PLEKHG1: variants seen among roughly 807,000 people sequenced by gnomAD.
PLEKHG1 encodes the protein pleckstrin homology and RhoGEF domain containing G1, also known as pleckstrin homology domain-containing family G member 1.
In PLEKHG1, 44 loss-of-function variants were observed where a neutral mutation model predicts 100.8. That is an observed-to-expected ratio of 0.44 (90% CI 0.34 to 0.56). The LOEUF is 0.56. Among genes scored for constraint, PLEKHG1 ranks in the 20% least tolerant of loss-of-function variants. PLEKHG1 has a pLI of 0.01. For missense variants in PLEKHG1, 1,545 were observed against 1,720.9 expected (o/e 0.90, Z 1.81); for synonymous variants, 640 against 662.5 (o/e 0.97, Z 0.52).
At position 150,815,661 on chromosome 6, in the gene PLEKHG1, G is replaced by C. The variant is rs372297299; in HGVS notation, c.1279-2522G>C. Among the ~76,000 whole-genome samples the C allele has an allele frequency of 9.9e-5, 15 of 152,150 alleles. 1 individual carries two copies. In the South Asian group the frequency reaches 3.1e-3, roughly 32 times the overall value. On this transcript the variant is annotated intron_variant, in intron 10 of 15. Transcript: ENST00000358517. ...AAATTGAAGCATTTGTTTTCTCTAA[G>C]GTGACTGTGTTGAGGCTCCCCCAAG...
intron 2 of PLEKHG1, among the ~76,000 whole-genome samples, chr6:150,759,282 G>T (rs968760631): frequency 1.3e-5 from 2 of 152,142 alleles, no homozygotes; most frequent in Non-Finnish European, 2.9e-5. Flanking sequence ...AGTGGGTACC[G>T]CATGTGAATG....
chr6:150,798,525 G>A (rs1188997166), intron 5 of PLEKHG1, among the ~76,000 whole-genome samples: 2 of 152,148 alleles, frequency 1.3e-5, no homozygotes, highest in Non-Finnish European at 2.9e-5. Flanking sequence ...TTAAGAGCTG[G>A]TCATTCATGG....
At chr6:150,709,864 CA>C (rs1335535673) in intron 3 of PLEKHG1, among the ~76,000 whole-genome samples, 2 of 152,154 alleles carry the variant, frequency 1.3e-5, no homozygotes, top group Admixed American at 1.3e-4. Flanking sequence ...CAGCTCACTG[CA>C]GCCTCAACCT....
At chr6:150,679,526 A>G (rs555765425) in intron 3 of PLEKHG1, among the ~76,000 whole-genome samples, 1 of 152,338 alleles carries the variant, frequency 6.6e-6, no homozygotes, top group East Asian at 1.9e-4. Flanking sequence ...TTGCTTCTTT[A>G]CCTAATTATA....
intron 2 of PLEKHG1, among the ~76,000 whole-genome samples, chr6:150,749,338 G>A (rs1037235115): frequency 6.6e-6 from 1 of 152,194 alleles, no homozygotes; most frequent in Admixed American, 6.5e-5. Context: ...GGTGTGAAGG[G>A]AAGAGCTGGC....
chr6:150,825,958 C>T (rs1360418984), intron 14 of PLEKHG1, among the ~76,000 whole-genome samples: 1 of 151,964 alleles, frequency 6.6e-6, no homozygotes, highest in African/African-American at 2.4e-5. Flanking sequence ...GTGGTTGGAT[C>T]ACCTGAGGTC....
chr6:150,831,011 A>C lies in PLEKHG1; in HGVS notation c.1900A>C (p.Ser634Arg). 6.2e-7 allele frequency: 1 copy of C among 1,614,118 alleles called. No individual in the cohort carries two copies. Among genetic ancestry groups the C allele is most frequent in the East Asian group, 2.2e-5 (1 of 44,874 alleles). The change falls in exon 15 of 16, where the codon AGC (serine) becomes CGC (arginine). Residue 634 changes from serine (S) to arginine (R), a missense_variant. Ser to Arg is a moderately radical substitution (Grantham distance 110, BLOSUM62 -1). Coordinates refer to ENST00000358517, the Ensembl canonical transcript of PLEKHG1. This position sits in a 1 kb window ranked among gnomAD's most constrained non-coding sequence, Gnocchi z 4.1. ...TGACAGAACTAGGGAACTGCAGAAC[A>C]GCCCCAAAACAGAAGGGCAGGAGGA...
At chr6:150,770,874 G>A (rs1310562167) in intron 3 of PLEKHG1, among the ~76,000 whole-genome samples, 1 of 152,230 alleles carries the variant, frequency 6.6e-6, no homozygotes, top group Non-Finnish European at 1.5e-5. Flanking sequence ...TGGTTTGGCT[G>A]TGAGTTGATG....
chr6:150,814,395 A>G (rs550955163), intron 10 of PLEKHG1, among the ~76,000 whole-genome samples: 6 of 152,380 alleles, frequency 3.9e-5, no homozygotes, highest in Admixed American at 2.0e-4. Flanking sequence ...CAAATGGTTA[A>G]TATAGTCAAT....
intron 14 of PLEKHG1, among the ~76,000 whole-genome samples, chr6:150,827,451 A>T (rs549234088): frequency 6.6e-6 from 1 of 151,270 alleles, no homozygotes; most frequent in Admixed American, 6.6e-5. Flanking sequence ...CTAATTTTGT[A>T]TTTATAGTAG....
intron 3 of PLEKHG1, among the ~76,000 whole-genome samples, chr6:150,708,295 C>T (rs1479348583): frequency 2.0e-5 from 3 of 152,116 alleles, no homozygotes; most frequent in Admixed American, 6.5e-5. Flanking sequence ...GAAGAATGGC[C>T]TTCTGCTTAT....
intron 2 of PLEKHG1, among the ~76,000 whole-genome samples, chr6:150,749,392 G>A (rs113500996): frequency 1.3e-5 from 2 of 152,174 alleles, no homozygotes; most frequent in African/African-American, 4.8e-5. Context: ...GACAAAACCA[G>A]AGCCTTGAGA....
At chr6:150,604,506 G>A (rs1483260359) in intron 1 of PLEKHG1, among the ~76,000 whole-genome samples, 1 of 152,222 alleles carries the variant, frequency 6.6e-6, no homozygotes, top group African/African-American at 2.4e-5. Flanking sequence ...AAACAGGCTG[G>A]ATGTAGCCTG....
intron 1 of PLEKHG1, among the ~76,000 whole-genome samples, chr6:150,613,029 T>C (rs1248685684): frequency 6.6e-6 from 1 of 152,188 alleles, no homozygotes; most frequent in Admixed American, 6.5e-5. Context: ...CCCTCCCTAG[T>C]CTGGCCCCTG....
chr6:150,674,472 T>C (rs1197575092), intron 3 of PLEKHG1, among the ~76,000 whole-genome samples: 1 of 152,150 alleles, frequency 6.6e-6, no homozygotes, highest in African/African-American at 2.4e-5. Flanking sequence ...TGATATAAAC[T>C]CTTCTAAGAA....
At chr6:150,826,323 C>T (rs185481433) in intron 14 of PLEKHG1, among the ~76,000 whole-genome samples, 1 of 151,964 alleles carries the variant, frequency 6.6e-6, no homozygotes. Context: ...CCGGGCATAG[C>T]GGCATGCACC....
At chr6:150,630,880 A>G (rs1777720216) in intron 1 of PLEKHG1, among the ~76,000 whole-genome samples, 1 of 152,160 alleles carries the variant, frequency 6.6e-6, no homozygotes, top group African/African-American at 2.4e-5. Flanking sequence ...GAAAGCCAGG[A>G]GCCCATGGCT....
At chr6:150,674,632 C>CTCTCT (rs1562427503) in intron 3 of PLEKHG1, among the ~76,000 whole-genome samples, 1,688 of 66,168 alleles carry the variant, frequency 0.026, 194 homozygotes, top group Middle Eastern at 0.033. Flanking sequence ...CTCTCTCCTC[C>CTCTCT]CTCTCTCTCT....
intron 1 of PLEKHG1, among the ~76,000 whole-genome samples, chr6:150,617,637 C>T (rs576646572): frequency 4.3e-4 from 66 of 152,246 alleles, no homozygotes; most frequent in Non-Finnish European, 6.5e-4. Context: ...TATCTCTTTC[C>T]GGCTGCCGAA....
Sources: gnomAD v4.1 joint callset for allele counts (sites outside exome capture counted in the v4.1 genomes callset) on GRCh38, gnomAD v4.1.1 for gene constraint, Gnocchi (gnomAD v3.1) non-coding constraint, MANE v1.5 for transcripts, NCBI Gene and HGNC (gene_info 2026-07-23, HGNC 2026-07-21) for gene names.